The following TMEM165 variants were observed in gnomAD, a reference collection of about 807,000 sequenced individuals.
TMEM165 encodes the protein transmembrane protein 165, also known as putative divalent cation/proton antiporter TMEM165.
Under a neutral mutation model 30.0 loss-of-function variants are expected in TMEM165, and 19 were observed. That is an observed-to-expected ratio of 0.63 (90% CI 0.44 to 0.93). TMEM165 has a LOEUF of 0.93. TMEM165 is among the 40% of genes least tolerant of loss of function. The pLI, the probability that TMEM165 is intolerant of heterozygous loss-of-function variation, is 0.00. For synonymous variants in TMEM165, 168 were observed against 162.9 expected, an observed-to-expected ratio of 1.03 and a Z score of -0.24; for missense variants, 340 against 417.0, an observed-to-expected ratio of 0.82 and a Z score of 1.61.
intron 2 of TMEM165, among the ~76,000 whole-genome samples, chr4:55,413,094 C>T: frequency 6.6e-6 from 1 of 151,594 alleles, no homozygotes; most frequent in East Asian, 1.9e-4. Flanking sequence ...ATCCTTCCAC[C>T]TCAGCCTCCT....
intron 3 of TMEM165, among the ~76,000 whole-genome samples, chr4:55,447,470 T>TA (rs1209301112): frequency 6.6e-6 from 1 of 152,218 alleles, no homozygotes; most frequent in African/African-American, 2.4e-5. Context: ...ATATAGCACT[T>TA]AAAGGATTTC....
At chr4:55,419,289 C>T (rs1721868401) in intron 4 of TMEM165, among the ~76,000 whole-genome samples, 1 of 152,050 alleles carries the variant, frequency 6.6e-6, no homozygotes, top group Admixed American at 6.6e-5. Context: ...ACTGCTCTGG[C>T]CTAGGTGACT....
At chr4:55,427,231 T>G (rs1488330795), downstream of TMEM165, among the ~76,000 whole-genome samples, 1 of 150,934 alleles carries the variant, frequency 6.6e-6, no homozygotes, top group African/African-American at 2.4e-5. Flanking sequence ...GATGATGGAG[T>G]TTCGCCATGC....
intron 1 of TMEM165, among the ~76,000 whole-genome samples, chr4:55,398,106 A>G (rs1321196249): frequency 6.6e-6 from 1 of 152,194 alleles, no homozygotes; most frequent in Non-Finnish European, 1.5e-5. Flanking sequence ...TTTTCTGTGT[A>G]AGACCGTAGG....
intron 3 of TMEM165, among the ~76,000 whole-genome samples, chr4:55,445,741 C>T (rs532488727): frequency 6.6e-6 from 1 of 151,506 alleles, no homozygotes; most frequent in South Asian, 2.1e-4. Flanking sequence ...CAGGCATGCA[C>T]CACCACACCT....
At chr4:55,443,844 G>T in intron 3 of TMEM165, 1 of 1,613,756 alleles carries the variant, frequency 6.2e-7, no homozygotes, top group South Asian at 1.1e-5. Flanking sequence ...ATTTCCAGAA[G>T]AAAGTTGAAC....
chr4:55,422,115 G>A (rs977452416), intron 4 of TMEM165, among the ~76,000 whole-genome samples: 2 of 152,122 alleles, frequency 1.3e-5, no homozygotes, highest in African/African-American at 2.4e-5. Context: ...TGATGCCTCC[G>A]TTGGTCCTTA....
downstream of TMEM165, chr4:55,430,529 A>G (rs1044783989): frequency 2.0e-5 from 3 of 152,212 alleles, no homozygotes; most frequent in Non-Finnish European, 4.4e-5. Context: ...ATTCATCCCC[A>G]GTGTTTCCAC....
chr4:55,400,244 T>TATTATATATA (rs1553884899), intron 1 of TMEM165, among the ~76,000 whole-genome samples: 10 of 93,784 alleles, frequency 1.1e-4, no homozygotes, highest in Non-Finnish European at 1.5e-4. Context: ...ATGTAATTAA[T>TATTATATATA]ATTATATTAT....
chr4:55,415,864 T>C (rs1721698671), intron 2 of TMEM165: 1 of 152,040 alleles, frequency 6.6e-6, no homozygotes, highest in African/African-American at 2.4e-5. Flanking sequence ...TCTTTCTTTT[T>C]TTTTTTCTGA....
intron 3 of TMEM165, 133 bp downstream of exon 3, chr4:55,417,380 G>T (rs1721779492): frequency 6.8e-6 from 6 of 887,714 alleles, no homozygotes; most frequent in Non-Finnish European, 8.3e-6. Flanking sequence ...GCTTTGTTCT[G>T]TTCTTATACC....
At position 55,425,454 on chromosome 4, in the gene TMEM165, AAG is replaced by A. The variant is rs774687702; in HGVS notation, c.*3_*4del. 8 of 736,136 alleles carry A rather than the reference AAG, an allele frequency of 1.1e-5. No homozygotes were observed. Among genetic ancestry groups the A allele is most frequent in the Non-Finnish European group, 1.4e-5 (8 of 564,028 alleles). 45.6% of individuals were successfully genotyped at this position (736,136 alleles called of 1,614,324 possible). On this transcript the variant is annotated 3_prime_UTR_variant, in exon 6 of 6. Transcript: ENST00000381334. ...ATAAGCCCTGATTCTGGTTTTTAAC[AAG>A]CTGTTTGTTCATCTATATTTAGTTT...
At chr4:55,427,571 A>C (rs926121195), downstream of TMEM165, among the ~76,000 whole-genome samples, 7 of 150,120 alleles carry the variant, frequency 4.7e-5, no homozygotes, top group Non-Finnish European at 5.9e-5. Context: ...TCTTGAACTC[A>C]TGACCTTAGG....
chr4:55,413,838 A>G (rs1436429718), intron 2 of TMEM165, among the ~76,000 whole-genome samples: 3 of 152,256 alleles, frequency 2.0e-5, no homozygotes, highest in Admixed American at 6.5e-5. Context: ...TAGTGTGTAC[A>G]TATACATACA....
chr4:55,409,355 TAATA>T (rs967012699), intron 1 of TMEM165, among the ~76,000 whole-genome samples: 15 of 152,346 alleles, frequency 9.8e-5, no homozygotes, highest in Admixed American at 7.2e-4. Flanking sequence ...AGGGCCTTTG[TAATA>T]AATCTGTTTT....
At chr4:55,418,207 A>T in intron 4 of TMEM165, 1 of 424,070 alleles carries the variant, frequency 2.4e-6, no homozygotes, top group East Asian at 3.8e-5. Context: ...CTTTTTACTC[A>T]TCCTTTTCCC....
At chr4:55,450,803 A>T (rs1430102321) in intron 3 of TMEM165, among the ~76,000 whole-genome samples, 1 of 151,990 alleles carries the variant, frequency 6.6e-6, no homozygotes, top group African/African-American at 2.4e-5. Flanking sequence ...AATGAATCAC[A>T]GACCTAAATT....
At chr4:55,427,659 C>CAACA (rs1450368449), downstream of TMEM165, among the ~76,000 whole-genome samples, 4 of 148,452 alleles carry the variant, frequency 2.7e-5, no homozygotes, top group East Asian at 1.9e-4. Flanking sequence ...TTTCTAATAA[C>CAACA]AACAGAAAAG....
At chr4:55,400,277 A>AATATTAT (rs1395811662) in intron 1 of TMEM165, among the ~76,000 whole-genome samples, 2 of 102,592 alleles carry the variant, frequency 1.9e-5, no homozygotes, top group East Asian at 2.2e-4. Flanking sequence ...TATATAATAT[A>AATATTAT]ATATTATATA....
Sources: allele counts gnomAD v4.1 joint callset (sites outside exome capture counted in the v4.1 genomes callset), GRCh38; gene constraint gnomAD v4.1.1; transcripts MANE v1.5; gene names NCBI Gene and HGNC (gene_info 2026-07-23, HGNC 2026-07-21).